Variants in GDAP1 observed in about 807,000 individuals in gnomAD.
GDAP1 encodes the protein ganglioside-induced differentiation-associated protein 1.
A neutral mutation model predicts 40.1 loss-of-function variants in GDAP1; 34 were observed. The observed-to-expected ratio is 0.85, with a 90% CI of 0.64 to 1.13. The LOEUF (loss-of-function observed/expected upper bound fraction) is 1.13, where lower values mean the gene tolerates loss of function less well. GDAP1 is among the 50% of genes most tolerant of loss of function. The probability of loss-of-function intolerance (pLI) is 0.00; values close to 1 mark genes in which losing one functional copy is unlikely to be tolerated. For synonymous variants in GDAP1, 170 were observed against 157.4 expected, an observed-to-expected ratio of 1.08 and a Z score of -0.60; for missense variants, 374 against 433.7, an observed-to-expected ratio of 0.86 and a Z score of 1.22.
At chr8:74,405,254 C>A in intron 2 of GDAP1, among the ~76,000 whole-genome samples, 1 of 149,900 alleles carries the variant, frequency 6.7e-6, no homozygotes, top group Non-Finnish European at 1.5e-5. Context: ...GGGGAACCAC[C>A]CCCATGATTC....
At chr8:74,457,418 A>G (rs985170937) in intron 2 of GDAP1, among the ~76,000 whole-genome samples, 3 of 152,072 alleles carry the variant, frequency 2.0e-5, no homozygotes, top group African/African-American at 7.2e-5. Context: ...ATTAAGGGCC[A>G]GAGTATTTTG....
intron 2 of GDAP1, among the ~76,000 whole-genome samples, chr8:74,449,912 T>G (rs1464187747): frequency 6.6e-6 from 1 of 151,848 alleles, no homozygotes; most frequent in African/African-American, 2.4e-5. Flanking sequence ...TTTTAGGTGA[T>G]CATATGGTTT....
intron 2 of GDAP1, among the ~76,000 whole-genome samples, chr8:74,381,859 T>A (rs551439458): frequency 3.3e-5 from 5 of 152,132 alleles, no homozygotes; most frequent in African/African-American, 1.2e-4. Context: ...TCTGCAGGGA[T>A]ATGTGTGAGA....
chr8:74,423,640 G>A (rs576690524), intron 2 of GDAP1, among the ~76,000 whole-genome samples: 8 of 151,850 alleles, frequency 5.3e-5, no homozygotes, highest in Admixed American at 1.3e-4. Flanking sequence ...CAAACGTGGG[G>A]TATCCTCAGT....
intron 2 of GDAP1, among the ~76,000 whole-genome samples, chr8:74,433,892 C>T (rs1182409533): frequency 1.3e-5 from 2 of 152,194 alleles, no homozygotes; most frequent in African/African-American, 2.4e-5. Context: ...TGGCAATACT[C>T]TGTGTGTACT....
intron 2 of GDAP1, among the ~76,000 whole-genome samples, chr8:74,472,811 G>C (rs535591380): frequency 9.9e-5 from 15 of 151,646 alleles, no homozygotes; most frequent in African/African-American, 3.6e-4. Flanking sequence ...GGGCAGTGTT[G>C]TGATCTCTTG....
intron 2 of GDAP1, among the ~76,000 whole-genome samples, chr8:74,449,621 A>G (rs1468592914): frequency 1.3e-5 from 2 of 151,822 alleles, no homozygotes; most frequent in Non-Finnish European, 2.9e-5. Flanking sequence ...CACAAATTTT[A>G]TTTTTCAATA....
At chr8:74,423,212 A>G (rs1805901773) in intron 2 of GDAP1, among the ~76,000 whole-genome samples, 1 of 147,198 alleles carries the variant, frequency 6.8e-6, no homozygotes, top group African/African-American at 2.5e-5. Context: ...CAAATAGTAT[A>G]TATGTATACT....
At chr8:74,371,465 T>C (rs1002485677), downstream of GDAP1, among the ~76,000 whole-genome samples, 4 of 151,640 alleles carry the variant, frequency 2.6e-5, no homozygotes, top group Non-Finnish European at 4.4e-5. Context: ...TCGAGACCAT[T>C]CTGGCTAACA....
rs1806298817 is a variant in GDAP1, at chr8:74,451,956, A to AATTTC, written c.166-36718_166-36717insCATTT. Among the ~76,000 whole-genome samples, 2 of 79,556 alleles carry AATTTC rather than the reference A, an allele frequency of 2.5e-5. 1 individual carries two copies. Among genetic ancestry groups the AATTTC allele is most frequent in the African/African-American group, 1.1e-4 (2 of 18,094 alleles). The allele number at this position is 79,556 out of a possible 152,430, so 52.2% of individuals were successfully genotyped here. On this transcript the variant is annotated intron_variant, in intron 2 of 2. Coordinates refer to the GDAP1 transcript ENST00000523640. ...AATTTAATTTAATTTAATTTAATTT[A>AATTTC]ATTTAATTTTTGAGACGGAGTCTTG...
downstream of GDAP1, among the ~76,000 whole-genome samples, chr8:74,369,358 T>C (rs1288152335): frequency 6.6e-6 from 1 of 152,196 alleles, no homozygotes. Flanking sequence ...AGGCAATATA[T>C]GTTTATAGAA....
downstream of GDAP1, among the ~76,000 whole-genome samples, chr8:74,368,088 C>A (rs994949723): frequency 6.6e-6 from 1 of 152,160 alleles, no homozygotes; most frequent in Non-Finnish European, 1.5e-5. Flanking sequence ...TACTTTATTA[C>A]TTATGCATTG....
chr8:74,363,282 T>C (rs1459110459), intron 5 of GDAP1, among the ~76,000 whole-genome samples: 2 of 152,226 alleles, frequency 1.3e-5, no homozygotes, highest in African/African-American at 4.8e-5. Context: ...TAAATTATGC[T>C]TGGGAGATTT....
chr8:74,437,931 C>G (rs1471527094), intron 2 of GDAP1, among the ~76,000 whole-genome samples: 1 of 152,100 alleles, frequency 6.6e-6, no homozygotes, highest in Non-Finnish European at 1.5e-5. Context: ...TGCACATGTG[C>G]ACTTGTCCAC....
chr8:74,362,852 G>GT (rs1809441601), intron 4 of GDAP1, 87 bp from the exon 5 acceptor site: 2 of 523,580 alleles, frequency 3.8e-6, no homozygotes, highest in South Asian at 1.5e-5. Context: ...GCTGAACTCT[G>GT]TAAGAGTTTG....
chr8:74,395,132 C>T (rs1292654563), intron 2 of GDAP1, among the ~76,000 whole-genome samples: 1 of 152,128 alleles, frequency 6.6e-6, no homozygotes, highest in Non-Finnish European at 1.5e-5. Context: ...AATGAATGAA[C>T]AAATTGTGGA....
chr8:74,436,603 A>G (rs780889232), intron 2 of GDAP1, among the ~76,000 whole-genome samples: 1 of 151,840 alleles, frequency 6.6e-6, no homozygotes, highest in Non-Finnish European at 1.5e-5. Context: ...TTGTATTTTT[A>G]GTAGAGATGG....
intron 2 of GDAP1, among the ~76,000 whole-genome samples, chr8:74,425,231 C>A (rs1457176742): frequency 1.3e-5 from 2 of 152,208 alleles, no homozygotes; most frequent in Non-Finnish European, 2.9e-5. Flanking sequence ...GGGCTCTGGC[C>A]TCTGAATGGT....
At chr8:74,421,655 G>A (rs35736588) in intron 2 of GDAP1, among the ~76,000 whole-genome samples, 8,953 of 152,136 alleles carry the variant, frequency 0.059, 298 homozygotes, top group East Asian at 0.11. Flanking sequence ...GTAAGAGGGC[G>A]CTGTGTGAAA....
Sources: gnomAD v4.1 joint callset for allele counts (sites outside exome capture counted in the v4.1 genomes callset) on GRCh38, gnomAD v4.1.1 for gene constraint, MANE v1.5 for transcripts, NCBI Gene and HGNC (gene_info 2026-07-23, HGNC 2026-07-21) for gene names.